RBFOX1: variants seen among roughly 807,000 people sequenced by gnomAD.
RBFOX1 encodes RNA binding protein fox-1 homolog 1.
A neutral mutation model predicts 57.7 loss-of-function variants in RBFOX1; 8 were observed. The observed-to-expected ratio is 0.14, with a 90% CI of 0.08 to 0.25. The LOEUF (loss-of-function observed/expected upper bound fraction) is 0.25, where lower values mean the gene tolerates loss of function less well. RBFOX1 is among the 10% of genes least tolerant of loss of function. RBFOX1 has a pLI of 1.00. For missense variants in RBFOX1, 611 were observed against 548.5 expected, an observed-to-expected ratio of 1.11 and a Z score of -1.14; for synonymous variants, 326 against 222.4, an observed-to-expected ratio of 1.47 and a Z score of -4.15.
At chr16:7,509,543 T>C (rs943524530) in intron 4 of RBFOX1, among the ~76,000 whole-genome samples, 1 of 152,110 alleles carries the variant, frequency 6.6e-6, no homozygotes, top group Non-Finnish European at 1.5e-5. Flanking sequence ...CAAAAACTAG[T>C]GCTTGGAGTA....
chr16:5,763,937 T>G (rs535187427), intron 3 of RBFOX1, among the ~76,000 whole-genome samples: 2 of 152,336 alleles, frequency 1.3e-5, no homozygotes, highest in East Asian at 3.9e-4. Context: ...TATTATTTCT[T>G]ATTTCTTTAT....
chr16:5,580,051 G>A (rs761459433), intron 2 of RBFOX1, among the ~76,000 whole-genome samples: 17 of 152,164 alleles, frequency 1.1e-4, no homozygotes, highest in Non-Finnish European at 2.4e-4. Flanking sequence ...GATTACAGGT[G>A]TGAGCCACTG....
At chr16:6,621,510 G>A (rs1345850378) in intron 2 of RBFOX1, among the ~76,000 whole-genome samples, 1 of 152,114 alleles carries the variant, frequency 6.6e-6, no homozygotes, top group Non-Finnish European at 1.5e-5. Context: ...AGTCATTAGT[G>A]TCAGGCTGTA....
At chr16:6,935,169 T>G (rs902588577) in intron 3 of RBFOX1, among the ~76,000 whole-genome samples, 1 of 152,188 alleles carries the variant, frequency 6.6e-6, no homozygotes, top group African/African-American at 2.4e-5. Context: ...CTGGCCTAAT[T>G]TTCCCATCAT....
At chr16:7,208,422 C>G (rs1196889762) in intron 4 of RBFOX1, among the ~76,000 whole-genome samples, 1 of 152,122 alleles carries the variant, frequency 6.6e-6, no homozygotes, top group African/African-American at 2.4e-5. Context: ...GCATCTGCTT[C>G]CGGTGAGGAC....
At chr16:5,696,677 A>G (rs566079156) in intron 3 of RBFOX1, among the ~76,000 whole-genome samples, 1 of 152,318 alleles carries the variant, frequency 6.6e-6, no homozygotes, top group East Asian at 1.9e-4. Context: ...TATAATTTTG[A>G]TATGAATTGC....
intron 2 of RBFOX1, among the ~76,000 whole-genome samples, chr16:5,534,292 T>C (rs1451524129): frequency 6.6e-6 from 1 of 152,160 alleles, no homozygotes; most frequent in East Asian, 1.9e-4. Flanking sequence ...AGGATATATG[T>C]ATACATGAAA....
intron 1 of RBFOX1, among the ~76,000 whole-genome samples, chr16:6,285,205 A>G (rs922245334): frequency 6.6e-6 from 1 of 152,164 alleles, no homozygotes; most frequent in African/African-American, 2.4e-5. Context: ...TTAATTTGCA[A>G]ATTTGGAATT....
intron 2 of RBFOX1, among the ~76,000 whole-genome samples, chr16:6,469,285 A>G (rs577297040): frequency 5.0e-4 from 76 of 152,328 alleles, no homozygotes; most frequent in African/African-American, 1.8e-3. Flanking sequence ...TGCCTCTCAC[A>G]AGCCAGTGAC....
Position 7,696,724 on chromosome 16 carries a change from G to T in RBFOX1, c.996-12332G>T, listed in dbSNP as rs531962495. On this transcript the variant is annotated intron_variant, in intron 14 of 15. Transcript: ENST00000550418. The stretch of plus-strand genomic sequence containing the variant: ...ATAATATATATGCATAGTAAGTTAT[G>T]TACTTACTGTAATGAATCAAAAAGC... 1.7e-3 allele frequency among the ~76,000 whole-genome samples: 256 copies of T among 152,200 alleles called. 1 individual carries two copies. The highest frequency in any genetic ancestry group is 6.0e-3 in the African/African-American group (249 of 41,508).
chr16:7,454,088 C>T (rs9924934), intron 4 of RBFOX1, among the ~76,000 whole-genome samples: 60,381 of 152,082 alleles, frequency 0.4, 12,311 homozygotes, highest in Non-Finnish European at 0.45. Flanking sequence ...CAAAAATTAG[C>T]TGAGTGTGGT....
intron 3 of RBFOX1, among the ~76,000 whole-genome samples, chr16:7,038,041 C>T (rs1443503589): frequency 6.6e-6 from 1 of 152,156 alleles, no homozygotes; most frequent in African/African-American, 2.4e-5. Flanking sequence ...TATATTCTAT[C>T]CCAGTAGAGA....
intron 4 of RBFOX1, among the ~76,000 whole-genome samples, chr16:7,205,412 G>T (rs991761352): frequency 6.6e-6 from 1 of 151,774 alleles, no homozygotes; most frequent in African/African-American, 2.4e-5. Context: ...CAGCTACTCG[G>T]GAGGCTAAGG....
chr16:6,861,750 A>G (rs947673161), intron 3 of RBFOX1, among the ~76,000 whole-genome samples: 2 of 145,408 alleles, frequency 1.4e-5, no homozygotes, highest in African/African-American at 2.5e-5. Context: ...TGAAAACCCT[A>G]TTGATAATAA....
At chr16:5,924,178 G>A (rs2058894512) in intron 4 of RBFOX1, among the ~76,000 whole-genome samples, 2 of 152,106 alleles carry the variant, frequency 1.3e-5, no homozygotes. Context: ...ATTATTGTAA[G>A]TTTCCTGAGG....
Position 7,526,421 on chromosome 16 carries a change from G to A in RBFOX1, c.270+8032G>A, listed in dbSNP as rs188695829. Among the ~76,000 whole-genome samples the A allele has an allele frequency of 1.6e-4, 25 of 152,266 alleles. No individual in the cohort carries two copies. The East Asian group carries it at 1.9e-3, about 12-fold the overall frequency. ...TTGACCCTCCATTCTGCTTACAAGC[G>A]GAAGGAGCTCAAGCTGACCATTGAA... On this transcript the variant is annotated intron_variant, in intron 5 of 15. Coordinates refer to ENST00000550418, the MANE Select transcript of RBFOX1 (RefSeq NM_018723.4).
chr16:6,540,026 A>G (rs1033371785), intron 2 of RBFOX1, among the ~76,000 whole-genome samples: 1 of 152,158 alleles, frequency 6.6e-6, no homozygotes, highest in African/African-American at 2.4e-5. Flanking sequence ...GCAACCCTGC[A>G]GTTCAACAGT....
intron 3 of RBFOX1, among the ~76,000 whole-genome samples, chr16:6,708,705 A>C (rs1350092913): frequency 6.6e-6 from 1 of 152,218 alleles, no homozygotes. Context: ...TAGTATAATT[A>C]CACCTGTTCC....
In RBFOX1 at chr16:7,163,144, A is replaced by AT. The variant is rs201319827; in HGVS notation, c.27+111055dup. On this transcript the variant is annotated intron_variant, in intron 4 of 15. Coordinates refer to ENST00000550418, the MANE Select transcript of RBFOX1 (RefSeq NM_018723.4). ...GCATCTGCAGCTCAACACTTTTGAC[A>AT]TTTTTTTTTCTCATTTTAATATTGG... 7.3e-5 allele frequency among the ~76,000 whole-genome samples: 11 copies of AT among 151,614 alleles called. No homozygotes were observed. In the East Asian group the frequency reaches 7.8e-4, roughly 11 times the overall value.
Sources: gnomAD v4.1 joint callset for allele counts (sites outside exome capture counted in the v4.1 genomes callset) on GRCh38, gnomAD v4.1.1 for gene constraint, MANE v1.5 for transcripts, NCBI Gene and HGNC (gene_info 2026-07-23, HGNC 2026-07-21) for gene names.